The following ARHGAP24 variants were observed in gnomAD, a reference collection of about 807,000 sequenced individuals.
ARHGAP24 encodes the protein Rho GTPase activating protein 24, also known as rho GTPase-activating protein 24.
Under a neutral mutation model 76.4 loss-of-function variants are expected in ARHGAP24, and 50 were observed. That is an observed-to-expected ratio of 0.65 (90% confidence interval 0.52 to 0.83). The LOEUF is 0.83. Ranked by LOEUF, ARHGAP24 falls within the 40% of genes least tolerant of loss-of-function variation. The pLI, the probability that ARHGAP24 is intolerant of heterozygous loss-of-function variation, is 0.00. For missense variants in ARHGAP24, 930 were observed against 914.2 expected, an observed-to-expected ratio of 1.02 and a Z score of -0.22; for synonymous variants, 345 against 323.3, an observed-to-expected ratio of 1.07 and a Z score of -0.72.
intron 3 of ARHGAP24, among the ~76,000 whole-genome samples, chr4:85,778,495 A>G (rs1727390662): frequency 1.3e-5 from 2 of 152,180 alleles, no homozygotes; most frequent in African/African-American, 4.8e-5. Flanking sequence ...GAGTGACCTT[A>G]TACAAATCAT....
intron 6 of ARHGAP24, among the ~76,000 whole-genome samples, chr4:85,974,483 C>T (rs1253930883): frequency 6.6e-6 from 1 of 152,136 alleles, no homozygotes; most frequent in East Asian, 1.9e-4. Context: ...TAAACATGAC[C>T]AGCTCTGAGA....
intron 3 of ARHGAP24, among the ~76,000 whole-genome samples, chr4:85,877,628 TAA>T (rs36157226): frequency 7.1e-6 from 1 of 141,446 alleles, no homozygotes; most frequent in African/African-American, 2.6e-5. Context: ...TTATCTTAAT[TAA>T]AAAAAAAAAA....
rs750857609 is a variant in ARHGAP24 at position 85,995,076 on chromosome 4, G to A, written c.1422G>A (p.Thr474=). 37 of 1,613,902 alleles carry A rather than the reference G, an allele frequency of 2.3e-5. No homozygotes were observed. Among genetic ancestry groups the A allele is most frequent in the South Asian group, 8.8e-5 (8 of 91,082 alleles). The change falls in exon 9 of 10, where the codon ACG becomes ACA. Residue 474 remains threonine (T), a synonymous_variant. Transcript: ENST00000395184. ...SLKVSGTKMG[T]HSVQNGTVRM... is the part of the protein sequence containing the mutation. ...AGGTATCTGGTACCAAAATGGGCAC[G>A]CACAGTGTACAGAATGGAACGGTGC... is the stretch of plus-strand genomic sequence containing the variant.
chr4:85,969,804 T>C (rs150232468), intron 5 of ARHGAP24, among the ~76,000 whole-genome samples: 1 of 152,304 alleles, frequency 6.6e-6, no homozygotes, highest in East Asian at 1.9e-4. Flanking sequence ...GGTCTGTCTT[T>C]TCAAACAATT....
chr4:85,689,609 G>A (rs748188172), intron 2 of ARHGAP24, among the ~76,000 whole-genome samples: 10 of 152,108 alleles, frequency 6.6e-5, no homozygotes, highest in East Asian at 1.9e-4. Flanking sequence ...GGCTAGTCTC[G>A]AACTTCTGAG....
At chr4:85,969,623 T>C (rs1057419348) in intron 5 of ARHGAP24, among the ~76,000 whole-genome samples, 1 of 152,184 alleles carries the variant, frequency 6.6e-6, no homozygotes, top group African/African-American at 2.4e-5. Flanking sequence ...TTGACTGCTA[T>C]GCATATCCTT....
At chr4:85,830,587 C>A (rs1729943401) in intron 3 of ARHGAP24, among the ~76,000 whole-genome samples, 1 of 152,074 alleles carries the variant, frequency 6.6e-6, no homozygotes. Context: ...GTCTCTTTAC[C>A]TTGGCCACTA....
At chr4:85,685,032 A>T (rs1239830125) in intron 2 of ARHGAP24, among the ~76,000 whole-genome samples, 5 of 152,212 alleles carry the variant, frequency 3.3e-5, no homozygotes, top group African/African-American at 9.7e-5. Flanking sequence ...TAGGAATAAG[A>T]TAATGGTTTC....
intron 3 of ARHGAP24, among the ~76,000 whole-genome samples, chr4:85,824,700 A>C (rs1166602274): frequency 6.6e-6 from 1 of 152,206 alleles, no homozygotes; most frequent in African/African-American, 2.4e-5. Context: ...GGAAAAAAAA[A>C]CAACATAGAG....
chr4:85,910,723 T>C (rs188089222), intron 3 of ARHGAP24, among the ~76,000 whole-genome samples: 1 of 152,200 alleles, frequency 6.6e-6, no homozygotes, highest in Non-Finnish European at 1.5e-5. Context: ...CAGCTCTGGC[T>C]GAGCCCAAGG....
intron 3 of ARHGAP24, among the ~76,000 whole-genome samples, chr4:85,919,465 A>G (rs747320703): frequency 6.6e-6 from 1 of 152,176 alleles, no homozygotes; most frequent in African/African-American, 2.4e-5. Flanking sequence ...ACCCTTAGTA[A>G]TAAGTCTATA....
At chr4:85,790,920 T>C (rs1033742133) in intron 3 of ARHGAP24, among the ~76,000 whole-genome samples, 10 of 152,314 alleles carry the variant, frequency 6.6e-5, no homozygotes, top group Admixed American at 5.9e-4. Context: ...GTTTCACATA[T>C]GATTTTCCTC....
intron 3 of ARHGAP24, among the ~76,000 whole-genome samples, chr4:85,894,978 A>AG (rs1734070134): frequency 1.1e-4 from 4 of 38,076 alleles, no homozygotes; most frequent in African/African-American, 3.9e-4. Context: ...AAAAAAAAAA[A>AG]AAAAAAAAAA....
chr4:85,845,425 T>TAGC (rs1368714081), intron 3 of ARHGAP24, among the ~76,000 whole-genome samples: 2 of 152,184 alleles, frequency 1.3e-5, no homozygotes. Flanking sequence ...AGCTAGTAAG[T>TAGC]AGCAGTGTCT....
intron 1 of ARHGAP24, among the ~76,000 whole-genome samples, chr4:85,495,001 G>GGCA (rs1723505560): frequency 6.6e-6 from 1 of 150,474 alleles, no homozygotes; most frequent in Non-Finnish European, 1.5e-5. Context: ...GAGAGGCTGA[G>GGCA]GTAGAATGGC....
At chr4:85,842,381 T>C (rs1012897704) in intron 3 of ARHGAP24, among the ~76,000 whole-genome samples, 7 of 152,158 alleles carry the variant, frequency 4.6e-5, no homozygotes, top group African/African-American at 1.7e-4. Context: ...ACCTGTTTCT[T>C]AGTGGTCGCT....
intron 4 of ARHGAP24, 59 bp from the exon 5 acceptor site, chr4:85,942,007 C>G: frequency 6.5e-7 from 1 of 1,539,748 alleles, no homozygotes; most frequent in Non-Finnish European, 8.9e-7. Context: ...AAAACAACAA[C>G]AACAACAAAG....
intron 2 of ARHGAP24, among the ~76,000 whole-genome samples, chr4:85,714,292 A>G (rs76106683): frequency 0.013 from 1,993 of 152,264 alleles, 38 homozygotes; most frequent in African/African-American, 0.045. Context: ...TATCAGGGAC[A>G]CTCAAAATAC....
chr4:85,583,442 C>A (rs1727696138), intron 2 of ARHGAP24, among the ~76,000 whole-genome samples: 1 of 152,038 alleles, frequency 6.6e-6, no homozygotes, highest in Non-Finnish European at 1.5e-5. Flanking sequence ...GTTAAAAAAT[C>A]TGTATCCTTT....
Sources: allele counts gnomAD v4.1 joint callset (sites outside exome capture counted in the v4.1 genomes callset), GRCh38; gene constraint gnomAD v4.1.1; transcripts MANE v1.5; gene names NCBI Gene and HGNC (gene_info 2026-07-23, HGNC 2026-07-21).